Variants in MTUS2 observed in about 807,000 individuals in gnomAD.
The protein encoded by MTUS2 is microtubule-associated tumor suppressor candidate 2.
MTUS2 carries 40 observed loss-of-function variants against 114.1 expected under a neutral mutation model. The ratio of observed to expected loss-of-function variants is 0.35; its 90% confidence interval spans 0.27 to 0.46. MTUS2 has a LOEUF of 0.46. Among genes scored for constraint, MTUS2 ranks in the 20% least tolerant of loss-of-function variants. MTUS2 has a pLI of 1.00. For missense variants in MTUS2, 1,679 were observed against 1,705.4 expected (o/e 0.98, Z 0.27); for synonymous variants, 688 against 672.0 (o/e 1.02, Z -0.37).
intron 5 of MTUS2, among the ~76,000 whole-genome samples, chr13:29,209,856 T>G (rs1393723755): frequency 6.6e-6 from 1 of 152,226 alleles, no homozygotes; most frequent in Non-Finnish European, 1.5e-5. Flanking sequence ...CTCACAGCTT[T>G]TAAGATTCTT....
rs375557970 is a variant in MTUS2 at position 29,403,211 on chromosome 13, TAAG to T, written c.3118-36769_3118-36767del. Among the ~76,000 whole-genome samples, 18 of 152,286 alleles carry T rather than the reference TAAG, an allele frequency of 1.2e-4. No homozygotes were observed. In the East Asian group the frequency reaches 3.3e-3, roughly 28 times the overall value. ...CTGTGCACACAGACTTGTGCCTTGA[TAAG>T]AACTGGCCACTACTTTTGGGTCCCT... is the stretch of plus-strand genomic sequence containing the variant. On this transcript the variant is annotated intron_variant, in intron 8 of 15. Coordinates refer to ENST00000612955, the MANE Select transcript of MTUS2 (RefSeq NM_001033602.4).
chr13:28,973,743 T>G (rs1404851610), intron 2 of MTUS2, among the ~76,000 whole-genome samples: 1 of 152,218 alleles, frequency 6.6e-6, no homozygotes, highest in Non-Finnish European at 1.5e-5. Context: ...TATTGGATAG[T>G]CACAAGAAAA....
At chr13:29,324,184 G>A (rs1260866589) in intron 6 of MTUS2, among the ~76,000 whole-genome samples, 1 of 152,212 alleles carries the variant, frequency 6.6e-6, no homozygotes, top group Non-Finnish European at 1.5e-5. Context: ...TTGGCTCCGG[G>A]TAATGCCGAA....
At chr13:29,259,656 G>A (rs748770928) in intron 5 of MTUS2, among the ~76,000 whole-genome samples, 1 of 152,178 alleles carries the variant, frequency 6.6e-6, no homozygotes, top group Non-Finnish European at 1.5e-5. Flanking sequence ...AGATGTCTGC[G>A]ATTTTATTTT....
intron 4 of MTUS2, among the ~76,000 whole-genome samples, chr13:29,067,029 A>G (rs971840434): frequency 6.6e-6 from 1 of 152,184 alleles, no homozygotes; most frequent in Admixed American, 6.5e-5. Flanking sequence ...GTTACTCAGT[A>G]GGGGAACACT....
chr13:29,265,219 C>T (rs1468810783), intron 5 of MTUS2, among the ~76,000 whole-genome samples: 1 of 152,208 alleles, frequency 6.6e-6, no homozygotes, highest in Admixed American at 6.5e-5. Context: ...GAACAGAATG[C>T]AGCCAAGCTC....
At chr13:29,393,816 T>A (rs1873700153) in intron 8 of MTUS2, among the ~76,000 whole-genome samples, 1 of 152,042 alleles carries the variant, frequency 6.6e-6, no homozygotes, top group Admixed American at 6.6e-5. Context: ...TGAACATTGG[T>A]TGGGTCTGGA....
chr13:29,389,258 C>CATGTATGTATATATGTATACACAT (rs1872862525), intron 8 of MTUS2, among the ~76,000 whole-genome samples: 7 of 105,514 alleles, frequency 6.6e-5, no homozygotes, highest in Non-Finnish European at 1.0e-4. Flanking sequence ...TATGTATACA[C>CATGTATGTATATATGTATACACAT]ATGTGTGTAT....
At chr13:29,154,276 A>G (rs1249472987) in intron 5 of MTUS2, among the ~76,000 whole-genome samples, 2 of 152,226 alleles carry the variant, frequency 1.3e-5, no homozygotes, top group African/African-American at 4.8e-5. Flanking sequence ...TCATTGTGAA[A>G]TATCTGAACT....
chr13:29,462,835 C>T (rs974590603), intron 9 of MTUS2, among the ~76,000 whole-genome samples: 3 of 151,988 alleles, frequency 2.0e-5, no homozygotes, highest in Non-Finnish European at 4.4e-5. Flanking sequence ...CAGAGGGAAT[C>T]GCAGGGAATG....
intron 6 of MTUS2, among the ~76,000 whole-genome samples, chr13:29,298,698 G>A (rs1899057471): frequency 1.3e-5 from 2 of 152,206 alleles, no homozygotes; most frequent in Admixed American, 1.3e-4. Context: ...TACTGGAATT[G>A]TGGTCCTAGG....
intron 8 of MTUS2, among the ~76,000 whole-genome samples, chr13:29,383,217 AGTGTGTGT>A (rs1297604822): frequency 7.6e-5 from 8 of 105,522 alleles, no homozygotes; most frequent in African/African-American, 2.4e-4. Flanking sequence ...AGGAAAATTG[AGTGTGTGT>A]GTGTGTGTGT....
At chr13:29,202,885 G>A (rs973204407) in intron 5 of MTUS2, among the ~76,000 whole-genome samples, 47 of 152,166 alleles carry the variant, frequency 3.1e-4, no homozygotes, top group African/African-American at 1.1e-3. Context: ...TGGAAGGTTT[G>A]TCCCAGAAGG....
intron 5 of MTUS2, among the ~76,000 whole-genome samples, chr13:29,138,259 C>T (rs1593517986): frequency 1.3e-5 from 2 of 152,022 alleles, no homozygotes; most frequent in South Asian, 4.2e-4. Context: ...TATCCTCACC[C>T]TCCCCAGGAA....
intron 5 of MTUS2, among the ~76,000 whole-genome samples, chr13:29,146,526 G>A (rs1338679503): frequency 6.6e-6 from 1 of 152,160 alleles, no homozygotes; most frequent in African/African-American, 2.4e-5. Context: ...AATTTCAGCA[G>A]CTGCCATCAT....
intron 9 of MTUS2, among the ~76,000 whole-genome samples, chr13:29,457,656 A>G (rs1879215653): frequency 5.9e-5 from 9 of 152,078 alleles, no homozygotes; most frequent in Admixed American, 4.6e-4. Flanking sequence ...CTCTCAGGTA[A>G]ATCCCTACAT....
intron 2 of MTUS2, among the ~76,000 whole-genome samples, chr13:28,927,919 C>T (rs2096918782): frequency 6.6e-6 from 1 of 152,090 alleles, no homozygotes; most frequent in South Asian, 2.1e-4. Context: ...AAAACAGACA[C>T]ATAGACCAAT....
At chr13:29,151,628 T>A (rs181779875) in intron 5 of MTUS2, among the ~76,000 whole-genome samples, 346 of 152,346 alleles carry the variant, frequency 2.3e-3, no homozygotes, top group Non-Finnish European at 3.7e-3. Context: ...TCAAGGTGAA[T>A]TCTTCCAGCT....
intron 2 of MTUS2, among the ~76,000 whole-genome samples, chr13:28,866,214 A>G (rs944879789): frequency 2.6e-5 from 4 of 152,138 alleles, no homozygotes; most frequent in Non-Finnish European, 5.9e-5. Context: ...ACGGTGCCAC[A>G]TTTCTGGTGC....
Sources: gnomAD v4.1 joint callset for allele counts (sites outside exome capture counted in the v4.1 genomes callset) on GRCh38, gnomAD v4.1.1 for gene constraint, MANE v1.5 for transcripts, NCBI Gene and HGNC (gene_info 2026-07-23, HGNC 2026-07-21) for gene names.